ABCA4: variants seen among roughly 807,000 people sequenced by gnomAD.
ABCA4 encodes ATP binding cassette subfamily A member 4.
A neutral mutation model predicts 263.7 loss-of-function variants in ABCA4; 196 were observed. The ratio of observed to expected loss-of-function variants is 0.74; its 90% confidence interval spans 0.66 to 0.84. The LOEUF is 0.84. Among genes scored for constraint, ABCA4 ranks in the 40% least tolerant of loss-of-function variants. ABCA4 has a pLI of 0.00. For missense variants in ABCA4, 2,792 were observed against 2,855.1 expected, an observed-to-expected ratio of 0.98 and a Z score of 0.50; for synonymous variants, 1,133 against 1,094.2, an observed-to-expected ratio of 1.04 and a Z score of -0.70.
intron 19 of ABCA4, chr1:94,045,583 T>C (rs1226599584): frequency 5.4e-6 from 2 of 372,810 alleles, no homozygotes; most frequent in Non-Finnish European, 1.1e-5. Context: ...TCAGTTAGCA[T>C]GGAGAGAAAG....
chr1:94,085,643 A>G (rs567286913), intron 6 of ABCA4, among the ~76,000 whole-genome samples: 1 of 152,128 alleles, frequency 6.6e-6, no homozygotes, highest in South Asian at 2.1e-4. Flanking sequence ...AACATCTTCC[A>G]TGGCTCCCTA....
intron 19 of ABCA4, chr1:94,045,894 C>T (rs1557779925): frequency 2.2e-6 from 1 of 456,282 alleles, no homozygotes; most frequent in Non-Finnish European, 4.4e-6. Context: ...CTTGGGAAAC[C>T]ATGGCGGGCC....
chr1:94,022,939 T>C (rs1453490191), intron 32 of ABCA4, among the ~76,000 whole-genome samples: 2 of 152,132 alleles, frequency 1.3e-5, no homozygotes, highest in Non-Finnish European at 2.9e-5. Flanking sequence ...GAGTCCCACT[T>C]GGTGAGGTTC....
At chr1:94,073,272 C>A (rs369961735) in intron 11 of ABCA4, among the ~76,000 whole-genome samples, 1 of 152,196 alleles carries the variant, frequency 6.6e-6, no homozygotes, top group Non-Finnish European at 1.5e-5. Flanking sequence ...CCTCCTCCCC[C>A]ACCCCAAGGG....
intron 6 of ABCA4, among the ~76,000 whole-genome samples, chr1:94,085,489 C>T (rs143225009): frequency 7.6e-4 from 115 of 152,272 alleles, no homozygotes; most frequent in African/African-American, 2.7e-3. Flanking sequence ...TGTTCACTTC[C>T]CTTCTAGAAT....
At chr1:94,008,702 C>G in intron 41 of ABCA4, 49 bp downstream of exon 41, 1 of 1,613,188 alleles carries the variant, frequency 6.2e-7, no homozygotes, top group Non-Finnish European at 8.5e-7. Flanking sequence ...CAACATCATG[C>G]CAACTGTGGA....
chr1:94,078,848 G>A, intron 9 of ABCA4, 142 bp from the exon 10 acceptor site: 2 of 740,416 alleles, frequency 2.7e-6, no homozygotes, highest in South Asian at 2.9e-5. Flanking sequence ...TCAGTCTATT[G>A]CTATTTCCCA....
chr1:94,053,201 G>A (rs1660885589), intron 16 of ABCA4, among the ~76,000 whole-genome samples: 1 of 152,206 alleles, frequency 6.6e-6, no homozygotes, highest in Non-Finnish European at 1.5e-5. Context: ...TCATTTTAAA[G>A]CTGTGATTGT....
rs61750129 is a variant in ABCA4 at position 94,032,007 on chromosome 1, C to T, written c.3899G>A (p.Arg1300Gln). The T allele has an allele frequency of 3.8e-3, 6,147 of 1,613,304 alleles. 183 individuals are homozygous for T. The African/African-American group carries it at 0.067, about 18-fold the overall frequency. ...CTCTCTGGGACCCAAGCAGGGGTGT[C>T]GGGGGTTGACGTTTTCTCTTTTCTG... ...AQQKRENVNPRHPCLGPREKA... is the reference protein window; with the variant it reads ...AQQKRENVNPQHPCLGPREKA... Residue 1300 changes from arginine to glutamine, a missense_variant, in exon 27 of 50, where the codon CGA (arginine) becomes CAA (glutamine). Physicochemically the swap from Arg to Gln is conservative, Grantham distance 43 (BLOSUM62 1). Transcript: ENST00000370225.
chr1:94,051,089 T>C (rs2101062679), intron 17 of ABCA4, among the ~76,000 whole-genome samples: 1 of 152,356 alleles, frequency 6.6e-6, no homozygotes, highest in South Asian at 2.1e-4. Flanking sequence ...GCAAATGCCC[T>C]TTCAGCCTTT....
intron 21 of ABCA4, 63 bp from the exon 22 acceptor site, chr1:94,042,961 AGGG>A (rs915984671): frequency 5.0e-6 from 8 of 1,607,882 alleles, no homozygotes; most frequent in Non-Finnish European, 6.8e-6. Context: ...AGAAAGGCCC[AGGG>A]CAAGTGGCAT....
chr1:94,109,119 A>G (rs1400375111), intron 3 of ABCA4, among the ~76,000 whole-genome samples: 1 of 152,232 alleles, frequency 6.6e-6, no homozygotes, highest in East Asian at 1.9e-4. Context: ...TAGCTACTAC[A>G]TTGAGTATCC....
intron 4 of ABCA4, among the ~76,000 whole-genome samples, chr1:94,107,386 C>G (rs1192220659): frequency 6.6e-6 from 1 of 152,214 alleles, no homozygotes; most frequent in African/African-American, 2.4e-5. Flanking sequence ...CTCACGACCA[C>G]TCTTTTCCTC....
chr1:93,996,998 G>A (rs964223458), intron 48 of ABCA4, among the ~76,000 whole-genome samples: 10 of 152,222 alleles, frequency 6.6e-5, no homozygotes, highest in African/African-American at 2.4e-4. Flanking sequence ...GGGGCAGTAA[G>A]TGGTGAGTTA....
intron 11 of ABCA4, among the ~76,000 whole-genome samples, chr1:94,071,394 C>A (rs1052727877): frequency 1.3e-5 from 2 of 152,176 alleles, no homozygotes; most frequent in African/African-American, 4.8e-5. Context: ...ATAATGTCTT[C>A]CTTCATTGGA....
At chr1:94,081,720 A>T (rs556944834) in intron 7 of ABCA4, among the ~76,000 whole-genome samples, 2 of 152,292 alleles carry the variant, frequency 1.3e-5, no homozygotes, top group South Asian at 4.1e-4. Flanking sequence ...GCCAGCTAAG[A>T]GGAGGTTGGT....
intron 11 of ABCA4, among the ~76,000 whole-genome samples, chr1:94,075,204 G>A (rs1661507965): frequency 6.6e-6 from 1 of 152,100 alleles, no homozygotes; most frequent in Non-Finnish European, 1.5e-5. Context: ...AGGACAAATA[G>A]CTAATGCATG....
chr1:94,001,602 A>G (rs1659185025), intron 45 of ABCA4: 1 of 650,840 alleles, frequency 1.5e-6, no homozygotes, highest in South Asian at 1.5e-5. Flanking sequence ...CTGTGAGCCG[A>G]TGGCCCCACA....
chr1:94,011,155 C>A (rs926116350), intron 39 of ABCA4, 107 bp downstream of exon 39: 7 of 1,592,904 alleles, frequency 4.4e-6, no homozygotes, highest in Non-Finnish European at 6.0e-6. Context: ...CAACAAGGTC[C>A]CCTCCTAGCA....
Sources: gnomAD v4.1 joint callset for allele counts (sites outside exome capture counted in the v4.1 genomes callset) on GRCh38, gnomAD v4.1.1 for gene constraint, MANE v1.5 for transcripts, NCBI Gene and HGNC (gene_info 2026-07-23, HGNC 2026-07-21) for gene names.